The following RPH3A variants were observed in gnomAD, a reference collection of about 807,000 sequenced individuals.
RPH3A encodes the protein rabphilin 3A.
A neutral mutation model predicts 102.2 loss-of-function variants in RPH3A; 48 were observed. The ratio of observed to expected loss-of-function variants is 0.47; its 90% CI spans 0.37 to 0.60. RPH3A has a LOEUF of 0.60. Ranked by LOEUF, RPH3A falls within the 20% of genes least tolerant of loss-of-function variation. The probability of loss-of-function intolerance (pLI) is 0.00; values close to 1 mark genes in which losing one functional copy is unlikely to be tolerated. For synonymous variants in RPH3A, 310 were observed against 324.3 expected (o/e 0.96, Z 0.47); for missense variants, 781 against 910.1 (o/e 0.86, Z 1.83).
chr12:112,727,412 T>TAC (rs2040599264), intron 1 of RPH3A, among the ~76,000 whole-genome samples: 1 of 134,276 alleles, frequency 7.4e-6, no homozygotes, highest in Non-Finnish European at 1.6e-5. Flanking sequence ...AAAAAATATA[T>TAC]ATATATATAC....
chr12:112,650,188 C>T (rs2039963855), intron 1 of RPH3A, among the ~76,000 whole-genome samples: 1 of 152,192 alleles, frequency 6.6e-6, no homozygotes, highest in East Asian at 1.9e-4. Context: ...TCCCAGCAGC[C>T]AAGGCAATTG....
chr12:112,640,013 C>T (rs2039875410), intron 1 of RPH3A, among the ~76,000 whole-genome samples: 1 of 151,836 alleles, frequency 6.6e-6, no homozygotes, highest in African/African-American at 2.4e-5. Flanking sequence ...AATAGTGGAG[C>T]CGGGGTTCAA....
chr12:112,895,337 A>G (rs911006195), intron 20 of RPH3A: 7 of 156,816 alleles, frequency 4.5e-5, no homozygotes, highest in Non-Finnish European at 1.4e-5. Context: ...TCCTGAGCTC[A>G]AATGAGCCAC....
At chr12:112,587,964 T>C (rs1163157885) in intron 1 of RPH3A, among the ~76,000 whole-genome samples, 1 of 152,204 alleles carries the variant, frequency 6.6e-6, no homozygotes, top group African/African-American at 2.4e-5. Context: ...TTCAAAAATC[T>C]AGATTATAAT....
chr12:112,834,385 A>C (rs1297692315), intron 3 of RPH3A, among the ~76,000 whole-genome samples: 1 of 152,212 alleles, frequency 6.6e-6, no homozygotes, highest in Non-Finnish European at 1.5e-5. Context: ...TTATCCGTTG[A>C]TGGACCATGG....
At chr12:112,780,636 T>C (rs1196995674) in intron 1 of RPH3A, among the ~76,000 whole-genome samples, 1 of 152,164 alleles carries the variant, frequency 6.6e-6, no homozygotes, top group Non-Finnish European at 1.5e-5. Flanking sequence ...CTGAGCTCCA[T>C]ATGGGCCGTT....
upstream of RPH3A, among the ~76,000 whole-genome samples, chr12:112,790,491 T>G (rs1419737939): frequency 1.3e-5 from 2 of 152,214 alleles, no homozygotes; most frequent in African/African-American, 4.8e-5. Context: ...AAGCTTTAGA[T>G]ATGAGTCTCC....
At chr12:112,638,813 T>TA (rs2135990174) in intron 1 of RPH3A, among the ~76,000 whole-genome samples, 2 of 152,292 alleles carry the variant, frequency 1.3e-5, no homozygotes, top group East Asian at 3.9e-4. Context: ...GAATGCCCTA[T>TA]ATGAGATGAG....
At chr12:112,587,956 C>CA (rs1159769021) in intron 1 of RPH3A, among the ~76,000 whole-genome samples, 2 of 152,098 alleles carry the variant, frequency 1.3e-5, no homozygotes, top group African/African-American at 4.8e-5. Context: ...GTGATCTCTT[C>CA]AAAAATCTAG....
chr12:112,612,597 C>T (rs1397260617), intron 1 of RPH3A, among the ~76,000 whole-genome samples: 2 of 138,840 alleles, frequency 1.4e-5, no homozygotes, highest in African/African-American at 2.7e-5. Context: ...CAGGGTCTCA[C>T]TCTGTCACCC....
intron 1 of RPH3A, among the ~76,000 whole-genome samples, chr12:112,689,039 C>T (rs1431900368): frequency 1.3e-5 from 2 of 152,174 alleles, no homozygotes; most frequent in African/African-American, 2.4e-5. Context: ...TTTTCTTTTT[C>T]TCATGCAATT....
chr12:112,768,248 T>C (rs2040904723), intron 1 of RPH3A, among the ~76,000 whole-genome samples: 1 of 152,176 alleles, frequency 6.6e-6, no homozygotes, highest in Non-Finnish European at 1.5e-5. Context: ...CCTCTCCCCT[T>C]GCTCCCCATC....
At chr12:112,721,961 G>A (rs1279850253) in intron 1 of RPH3A, among the ~76,000 whole-genome samples, 5 of 152,220 alleles carry the variant, frequency 3.3e-5, no homozygotes, top group Non-Finnish European at 7.3e-5. Context: ...AAAAGTAGGA[G>A]TGAATCTCCC....
chr12:112,858,282 AAAAAAAAAAAAAG>A (rs1387449351), intron 5 of RPH3A, among the ~76,000 whole-genome samples: 7 of 150,242 alleles, frequency 4.7e-5, no homozygotes, highest in African/African-American at 1.7e-4. Context: ...AAAAAAAAAA[AAAAAAAAAAAAAG>A]AAAAGAAAAG....
At chr12:112,881,888 G>T (rs1565941240) in intron 15 of RPH3A, 42 bp downstream of exon 15, 1 of 1,522,844 alleles carries the variant, frequency 6.6e-7, no homozygotes, top group Non-Finnish European at 9.0e-7. Context: ...GGGTGCATGG[G>T]CCCTGGCAGA....
chr12:112,639,708 A>C (rs1361809290), intron 1 of RPH3A, among the ~76,000 whole-genome samples: 1 of 152,152 alleles, frequency 6.6e-6, no homozygotes, highest in East Asian at 1.9e-4. Flanking sequence ...AAATGGCTGA[A>C]AGACACCAAA....
intron 1 of RPH3A, among the ~76,000 whole-genome samples, chr12:112,712,959 TC>T (rs2040480241): frequency 8.8e-6 from 1 of 113,188 alleles, no homozygotes; most frequent in Non-Finnish European, 1.9e-5. Context: ...TTCTTCTTCT[TC>T]TTCTTTCTTC....
intron 1 of RPH3A, among the ~76,000 whole-genome samples, chr12:112,667,948 C>G (rs748150809): frequency 2.6e-5 from 4 of 152,104 alleles, no homozygotes; most frequent in Non-Finnish European, 5.9e-5. Flanking sequence ...CAAGTTCTCC[C>G]CTTCTGTTTT....
At chr12:112,676,430 C>T (rs548072261) in intron 1 of RPH3A, among the ~76,000 whole-genome samples, 1 of 152,344 alleles carries the variant, frequency 6.6e-6, no homozygotes, top group East Asian at 1.9e-4. Flanking sequence ...GCTTTCTCAC[C>T]AAGTCTCTTC....
Sources: gnomAD v4.1 joint callset for allele counts (sites outside exome capture counted in the v4.1 genomes callset) on GRCh38, gnomAD v4.1.1 for gene constraint, MANE v1.5 for transcripts, NCBI Gene and HGNC (gene_info 2026-07-23, HGNC 2026-07-21) for gene names.